The following NANS variants were observed in gnomAD, a reference collection of about 807,000 sequenced individuals.
The protein encoded by NANS is N-acetylneuraminate-9-phosphate synthase.
NANS carries 29 observed loss-of-function variants against 33.3 expected under a neutral mutation model. The ratio of observed to expected loss-of-function variants is 0.87; its 90% CI spans 0.65 to 1.19. The LOEUF is 1.19. NANS is among the 50% of genes most tolerant of loss of function. The pLI, the probability that NANS is intolerant of heterozygous loss-of-function variation, is 0.00. For missense variants in NANS, 394 were observed against 461.1 expected, an observed-to-expected ratio of 0.85 and a Z score of 1.33; for synonymous variants, 163 against 177.2, an observed-to-expected ratio of 0.92 and a Z score of 0.64.
intron 2 of NANS, among the ~76,000 whole-genome samples, chr9:98,062,760 A>G (rs1829019058): frequency 6.8e-6 from 1 of 148,094 alleles, no homozygotes; most frequent in African/African-American, 2.5e-5. Flanking sequence ...CTACTTTTGG[A>G]TACGGAAGTT....
intron 5 of NANS, among the ~76,000 whole-genome samples, 197 bp from the exon 6 acceptor site, chr9:98,082,649 C>G (rs1460752020): frequency 6.6e-6 from 1 of 152,218 alleles, no homozygotes; most frequent in Admixed American, 6.5e-5. Context: ...GGCTCCTCCT[C>G]TGAGTCTCTG....
At position 98,056,812 on chromosome 9, in the gene NANS, C is replaced by A; in HGVS notation, c.4C>A (p.Pro2Thr). The A allele has an allele frequency of 6.2e-7, 1 of 1,611,582 alleles. No individual in the cohort carries two copies. Among genetic ancestry groups the A allele is most frequent in the Non-Finnish European group, 8.5e-7 (1 of 1,179,344 alleles). Residue 2 changes from proline (P) to threonine (T), a missense_variant, in exon 1 of 6, where the codon CCG (proline) becomes ACG (threonine). Coordinates refer to ENST00000210444, the MANE Select transcript of NANS (RefSeq NM_018946.4). ...CTTTGGACCCCGAGCCGCTGCAATG[C>A]CGCTGGAGCTGGAGCTGTGTCCCGG... is the stretch of plus-strand genomic sequence containing the variant. MPLELELCPGRW... is the reference protein window; with the variant it reads MTLELELCPGRW...
intron 2 of NANS, among the ~76,000 whole-genome samples, chr9:98,071,059 A>G (rs1308940942): frequency 2.6e-5 from 4 of 151,950 alleles, no homozygotes; most frequent in African/African-American, 9.7e-5. Flanking sequence ...ACAGTCTCCC[A>G]CCTCGGCCTC....
In NANS at chr9:98,079,664, G is replaced by A. The variant is rs1829761478; in HGVS notation, c.604-1152G>A. Among the ~76,000 whole-genome samples the A allele has an allele frequency of 2.6e-5, 4 of 152,130 alleles. No individual in the cohort carries two copies. In the South Asian group the frequency reaches 8.3e-4, roughly 32 times the overall value. On this transcript the variant is annotated intron_variant, in intron 4 of 5. Coordinates refer to ENST00000210444, the MANE Select transcript of NANS (RefSeq NM_018946.4). ...TGCACTCCCATCCCACAGAGATTCC[G>A]ATAATTAACAGTTTAGTAGACGTGA...
chr9:98,078,035 A>C, intron 3 of NANS, 158 bp from the exon 4 acceptor site: 2 of 1,100,232 alleles, frequency 1.8e-6, no homozygotes, highest in South Asian at 3.4e-5. Context: ...GCAGGAACCC[A>C]ACAAGCTCCT....
intron 5 of NANS, chr9:98,082,099 AT>A (rs1829892814): frequency 6.6e-6 from 1 of 152,152 alleles, no homozygotes. Flanking sequence ...CACGTAATTT[AT>A]TTGAAAGCAT....
chr9:98,065,926 A>T (rs975860264), intron 2 of NANS, among the ~76,000 whole-genome samples: 1 of 152,070 alleles, frequency 6.6e-6, no homozygotes, highest in African/African-American at 2.4e-5. Context: ...TGATTCTGAG[A>T]CCTGCCCAGC....
chr9:98,069,993 T>C (rs573184960), intron 2 of NANS, among the ~76,000 whole-genome samples: 1 of 152,344 alleles, frequency 6.6e-6, no homozygotes, highest in African/African-American at 2.4e-5. Flanking sequence ...TTACAAGACA[T>C]TACCATTGGG....
chr9:98,056,856 A>G lies in NANS; in HGVS notation c.48A>G (p.Gln16=), dbSNP rs1459851312. ...GTCCCGGGCGCTGGGTGGGCGGGCAACACCCGTGCTTCATCATTGCCGAGA... is the reference window on the plus strand; with the variant it reads ...GTCCCGGGCGCTGGGTGGGCGGGCAGCACCCGTGCTTCATCATTGCCGAGA... The part of the protein sequence containing the change: ...ELCPGRWVGG[Q]HPCFIIAEIG... Residue 16 remains glutamine (Q), a synonymous_variant, in exon 1 of 6, where the codon CAA becomes CAG. Coordinates refer to ENST00000210444, the MANE Select transcript of NANS (RefSeq NM_018946.4). 6.2e-7 allele frequency: 1 copy of G among 1,612,318 alleles called. No homozygotes were observed. The highest frequency in any genetic ancestry group is 8.5e-7 in the Non-Finnish European group (1 of 1,179,456).
At position 98,056,856 on chromosome 9, in the gene NANS, A is replaced by T. The variant is rs1459851312; in HGVS notation, c.48A>T (p.Gln16His). 2 of 1,612,204 alleles carry T rather than the reference A, an allele frequency of 1.2e-6. No homozygotes were observed. Among genetic ancestry groups the T allele is most frequent in the African/African-American group, 2.7e-5 (2 of 74,752 alleles). The change falls in exon 1 of 6, where the codon CAA becomes CAT. Residue 16 changes from glutamine to histidine, a missense_variant. By Grantham distance (24) the Gln-to-His change is conservative. Coordinates refer to ENST00000210444, the MANE Select transcript of NANS (RefSeq NM_018946.4). The part of the protein sequence containing the change: ...ELCPGRWVGG[Q>H]HPCFIIAEIG... ...GTCCCGGGCGCTGGGTGGGCGGGCA[A>T]CACCCGTGCTTCATCATTGCCGAGA...
Position 98,080,945 on chromosome 9 carries a change from TGGAAG to T in NANS, c.736_740del (p.Lys246GlufsTer2). 1 of 1,614,200 alleles carries T rather than the reference TGGAAG, an allele frequency of 6.2e-7. No homozygotes were observed. Among genetic ancestry groups the T allele is most frequent in the Non-Finnish European group, 8.5e-7 (1 of 1,180,040 alleles). ...ACGTCACATAACTTTGGACAAGACC[TGGAAG>T]GGGAGTGACCACTCGGCCTCGCTGG... On this transcript the variant is annotated frameshift_variant, in exon 5 of 6. Transcript: ENST00000210444. LOFTEE classifies it high-confidence loss of function.
In NANS at chr9:98,078,315, C is replaced by T. The variant is rs769426568; in HGVS notation, c.571C>T (p.Gln191Ter). ...GCAGTGTACCAGCGCATACCCGCTC[C>T]AGCCTGAGGACGTCAACCTGCGGGT... ...FLQCTSAYPL[Q>*]PEDVNLRVIS... The change falls in exon 4 of 6, where the codon CAG becomes TAG. Residue 191 changes from glutamine (Q) to a stop codon, truncating the protein, a stop_gained. Coordinates refer to ENST00000210444, the MANE Select transcript of NANS (RefSeq NM_018946.4). LOFTEE classifies it high-confidence loss of function. The T allele has an allele frequency of 1.2e-6, 2 of 1,613,978 alleles. No individual in the cohort carries two copies. The highest frequency in any genetic ancestry group is 1.1e-5 in the South Asian group (1 of 91,056).
chr9:98,072,880 C>T (rs1368969259), intron 2 of NANS, among the ~76,000 whole-genome samples: 1 of 152,122 alleles, frequency 6.6e-6, no homozygotes, highest in Non-Finnish European at 1.5e-5. Context: ...ATATTTTCTC[C>T]ACACTGTATG....
At position 98,061,156 on chromosome 9, in the gene NANS, G is replaced by T. The variant is rs367729369; in HGVS notation, c.348+159G>T. 6.0e-6 allele frequency: 4 copies of T among 664,882 alleles called. No individual in the cohort carries two copies. In the African/African-American group the frequency reaches 7.3e-5, roughly 12 times the overall value. The allele number at this position is 664,882 out of a possible 1,614,324, so 41.2% of individuals were successfully genotyped here. A position where few individuals can be genotyped will look rare whatever the true frequency, so the allele number is the denominator to read the frequency against. ...AGGCGCCAAAGCCCAGTGAGAATCT[G>T]TGGGAAGGATGCCATTGTTTTAAAA... On this transcript the variant is annotated intron_variant, in intron 2 of 5. Transcript: ENST00000210444.
At chr9:98,070,307 G>A (rs989642196) in intron 2 of NANS, among the ~76,000 whole-genome samples, 17 of 151,908 alleles carry the variant, frequency 1.1e-4, no homozygotes, top group African/African-American at 1.7e-4. Context: ...TAGTAGAGAC[G>A]GGGTTTCACC....
In NANS at chr9:98,061,729, G is replaced by A. The variant is rs568586390; in HGVS notation, c.348+732G>A. Among the ~76,000 whole-genome samples, 32 of 151,196 alleles carry A rather than the reference G, an allele frequency of 2.1e-4. No individual in the cohort carries two copies. The South Asian group carries it at 5.7e-3, about 27-fold the overall frequency. On this transcript the variant is annotated intron_variant, in intron 2 of 5. Coordinates refer to ENST00000210444, the MANE Select transcript of NANS (RefSeq NM_018946.4). Reference sequence around the variant, plus strand: ...TGGGAGGTGGAGGTTGCAGTAAGCCGAGATCGCGCCACTGCACTCCAGCCT... The same window carrying A: ...TGGGAGGTGGAGGTTGCAGTAAGCCAAGATCGCGCCACTGCACTCCAGCCT...
intron 2 of NANS, among the ~76,000 whole-genome samples, chr9:98,066,695 G>C (rs752430703): frequency 2.0e-5 from 3 of 150,342 alleles, no homozygotes; most frequent in Non-Finnish European, 4.4e-5. Context: ...CTATTGCCCA[G>C]GCTGGAGTGC....
At position 98,069,843 on chromosome 9, in the gene NANS, T is replaced by C. The variant is rs1378324754; in HGVS notation, c.349-7075T>C. On this transcript the variant is annotated intron_variant, in intron 2 of 5. Transcript: ENST00000210444. ...TATGGTGACCGTGGCAGTGCTCACA[T>C]GAGTCTGTGCATGGGGTAAAATTGC... Among the ~76,000 whole-genome samples, 6 of 152,280 alleles carry C rather than the reference T, an allele frequency of 3.9e-5. No homozygotes were observed. In the East Asian group the frequency reaches 1.2e-3, roughly 29 times the overall value.
At chr9:98,077,374 A>AT (rs76602477) in intron 3 of NANS, among the ~76,000 whole-genome samples, 1,538 of 141,342 alleles carry the variant, frequency 0.011, 11 homozygotes, top group African/African-American at 0.02. Context: ...CTTTTTAAGA[A>AT]TTTTTTTTTT....
Sources: allele counts gnomAD v4.1 joint callset (sites outside exome capture counted in the v4.1 genomes callset), GRCh38; gene constraint gnomAD v4.1.1; transcripts MANE v1.5; gene names NCBI Gene and HGNC (gene_info 2026-07-23, HGNC 2026-07-21).